IMMP2L: variants seen among roughly 807,000 people sequenced by gnomAD.
IMMP2L encodes inner mitochondrial membrane peptidase subunit 2.
A neutral mutation model predicts 19.3 loss-of-function variants in IMMP2L; 18 were observed. That is an observed-to-expected ratio of 0.93 (90% CI 0.64 to 1.38). The LOEUF is 1.38. Ranked by LOEUF, IMMP2L falls within the 40% of genes most tolerant of loss-of-function variation. The probability of loss-of-function intolerance (pLI) is 0.00; values close to 1 mark genes in which losing one functional copy is unlikely to be tolerated. For synonymous variants in IMMP2L, 76 were observed against 73.0 expected (o/e 1.04, Z -0.21); for missense variants, 233 against 218.2 (o/e 1.07, Z -0.43).
intron 3 of IMMP2L, among the ~76,000 whole-genome samples, chr7:111,055,786 A>T (rs922505553): frequency 6.6e-6 from 1 of 152,218 alleles, no homozygotes; most frequent in Non-Finnish European, 1.5e-5. Flanking sequence ...TTGTAAGCCT[A>T]TAAGCATCAG....
intron 3 of IMMP2L, among the ~76,000 whole-genome samples, chr7:111,194,613 A>G (rs2129613835): frequency 6.6e-6 from 1 of 152,314 alleles, no homozygotes; most frequent in South Asian, 2.1e-4. Context: ...TACTCAATAG[A>G]TGTTGTGAAT....
chr7:110,690,100 C>A (rs1335124575), intron 5 of IMMP2L, among the ~76,000 whole-genome samples: 1 of 152,138 alleles, frequency 6.6e-6, no homozygotes, highest in Non-Finnish European at 1.5e-5. Flanking sequence ...AGAGTCCAGG[C>A]CAGGCTTCTA....
intron 5 of IMMP2L, among the ~76,000 whole-genome samples, chr7:110,677,688 G>C (rs55773813): frequency 0.024 from 3,579 of 151,894 alleles, 132 homozygotes; most frequent in African/African-American, 0.081. Flanking sequence ...AGGCAAACAA[G>C]AAGAGCCTCA....
chr7:111,166,431 T>C (rs1368984820), intron 3 of IMMP2L, among the ~76,000 whole-genome samples: 4 of 152,020 alleles, frequency 2.6e-5, no homozygotes, highest in African/African-American at 9.7e-5. Flanking sequence ...TTAAATAATG[T>C]CTTAAGTTAC....
intron 3 of IMMP2L, among the ~76,000 whole-genome samples, chr7:111,462,919 T>C (rs547920867): frequency 1.3e-5 from 2 of 152,284 alleles, no homozygotes; most frequent in African/African-American, 4.8e-5. Context: ...TAAAGAACTT[T>C]TTCATGACAT....
At chr7:111,422,461 G>T (rs541702943) in intron 3 of IMMP2L, among the ~76,000 whole-genome samples, 3 of 151,694 alleles carry the variant, frequency 2.0e-5, no homozygotes, top group African/African-American at 7.3e-5. Context: ...GGATTCCTAG[G>T]TATTTTACTC....
intron 3 of IMMP2L, among the ~76,000 whole-genome samples, chr7:111,417,617 A>G (rs1835078879): frequency 6.6e-6 from 1 of 151,828 alleles, no homozygotes; most frequent in Non-Finnish European, 1.5e-5. Flanking sequence ...CATGGCAACG[A>G]GAACTAAAGA....
intron 3 of IMMP2L, among the ~76,000 whole-genome samples, chr7:111,183,943 T>C (rs901083365): frequency 1.3e-5 from 2 of 152,210 alleles, no homozygotes; most frequent in Admixed American, 6.6e-5. Flanking sequence ...GGAAGTTATT[T>C]AATTTCTCTT....
chr7:111,301,436 TAACA>T (rs1326056892), intron 3 of IMMP2L, among the ~76,000 whole-genome samples: 1 of 151,954 alleles, frequency 6.6e-6, no homozygotes, highest in Non-Finnish European at 1.5e-5. Context: ...CATTCTCTCT[TAACA>T]AGAGTCTTAC....
intron 3 of IMMP2L, among the ~76,000 whole-genome samples, chr7:111,448,099 A>G (rs1200412139): frequency 1.4e-5 from 2 of 142,366 alleles, no homozygotes; most frequent in Admixed American, 1.4e-4. Context: ...ACTCCCACAC[A>G]TTAATAATGG....
chr7:111,386,411 T>C (rs6942662), intron 3 of IMMP2L, among the ~76,000 whole-genome samples: 6,601 of 152,180 alleles, frequency 0.043, 496 homozygotes, highest in African/African-American at 0.15. Context: ...AGTGTGTGAC[T>C]ATACAAATAC....
At chr7:111,313,393 T>C (rs1028353887) in intron 3 of IMMP2L, among the ~76,000 whole-genome samples, 3 of 152,096 alleles carry the variant, frequency 2.0e-5, no homozygotes, top group Non-Finnish European at 4.4e-5. Flanking sequence ...GAAGGGCAGA[T>C]ATATAGATAA....
At chr7:111,240,369 A>G (rs556572593) in intron 3 of IMMP2L, among the ~76,000 whole-genome samples, 1 of 152,112 alleles carries the variant, frequency 6.6e-6, no homozygotes, top group South Asian at 2.1e-4. Context: ...AAGGCATTTT[A>G]CACATAAGAA....
intron 1 of IMMP2L, among the ~76,000 whole-genome samples, chr7:111,556,625 C>T (rs1164605378): frequency 1.3e-5 from 2 of 151,912 alleles, no homozygotes; most frequent in African/African-American, 4.8e-5. Context: ...ATGATTGTAA[C>T]TTTACAATCA....
intron 3 of IMMP2L, among the ~76,000 whole-genome samples, chr7:111,119,254 C>G (rs1162848033): frequency 6.6e-6 from 1 of 152,144 alleles, no homozygotes; most frequent in Non-Finnish European, 1.5e-5. Flanking sequence ...TCTGGACATA[C>G]AGGGGCAATA....
chr7:111,359,308 G>A (rs1829030873), intron 3 of IMMP2L, among the ~76,000 whole-genome samples: 1 of 151,826 alleles, frequency 6.6e-6, no homozygotes, highest in Non-Finnish European at 1.5e-5. Context: ...TTGTTTGTTT[G>A]TTTGTTTTAA....
intron 3 of IMMP2L, among the ~76,000 whole-genome samples, chr7:111,343,162 C>T (rs182366083): frequency 6.6e-6 from 1 of 152,106 alleles, no homozygotes; most frequent in African/African-American, 2.4e-5. Context: ...ATTATTCACA[C>T]TACAATTACA....
chr7:110,931,348 T>A (rs1197782559), intron 4 of IMMP2L, among the ~76,000 whole-genome samples: 2 of 152,190 alleles, frequency 1.3e-5, no homozygotes, highest in Non-Finnish European at 2.9e-5. Flanking sequence ...TCATTGAGTA[T>A]AGTGTTCAGG....
At position 111,537,833 on chromosome 7, in the gene IMMP2L, T is replaced by C. The variant is rs1164331432; in HGVS notation, c.-2-16384A>G. Among the ~76,000 whole-genome samples, 3 of 151,786 alleles carry C rather than the reference T, an allele frequency of 2.0e-5. No homozygotes were observed. In the East Asian group the frequency reaches 5.8e-4, roughly 29 times the overall value. On this transcript the variant is annotated intron_variant, in intron 1 of 5. Transcript: ENST00000405709. ...GGTACCAGCCACCGTGCTGGGCCAG[T>C]TCCTCTCTTTCACAGCACATCATGC...
Sources: allele counts gnomAD v4.1 joint callset (sites outside exome capture counted in the v4.1 genomes callset), GRCh38; gene constraint gnomAD v4.1.1; transcripts MANE v1.5; gene names NCBI Gene and HGNC (gene_info 2026-07-23, HGNC 2026-07-21).